Variants in ERBB4 observed in about 807,000 individuals in gnomAD.
ERBB4 encodes the protein receptor tyrosine-protein kinase erbB-4.
In ERBB4, 42 loss-of-function variants were observed where a neutral mutation model predicts 158.0. The observed-to-expected ratio is 0.27, with a 90% confidence interval of 0.21 to 0.34. The LOEUF (loss-of-function observed/expected upper bound fraction) is 0.34, where lower values mean the gene tolerates loss of function less well. Among genes scored for constraint, ERBB4 ranks in the 10% least tolerant of loss-of-function variants. The pLI, the probability that ERBB4 is intolerant of heterozygous loss-of-function variation, is 1.00. For synonymous variants in ERBB4, 583 were observed against 558.7 expected, an observed-to-expected ratio of 1.04 and a Z score of -0.61; for missense variants, 1,333 against 1,624.1, an observed-to-expected ratio of 0.82 and a Z score of 3.08.
chr2:211,420,719 A>G (rs2063496441), intron 24 of ERBB4, 108 bp from the exon 25 acceptor site: 1 of 985,056 alleles, frequency 1.0e-6, no homozygotes, highest in Non-Finnish European at 1.6e-6. Flanking sequence ...TGAAAAATTC[A>G]TACACACATT....
intron 2 of ERBB4, among the ~76,000 whole-genome samples, chr2:212,002,234 T>A (rs2076122759): frequency 6.6e-6 from 1 of 152,130 alleles, no homozygotes; most frequent in Non-Finnish European, 1.5e-5. Flanking sequence ...AGAGACTAGA[T>A]GGAATCAGCT....
At chr2:211,771,576 T>C (rs1176523893) in intron 4 of ERBB4, among the ~76,000 whole-genome samples, 2 of 152,230 alleles carry the variant, frequency 1.3e-5, no homozygotes, top group Non-Finnish European at 2.9e-5. Context: ...TGCAGGTAAG[T>C]ATACAGTTTA....
intron 1 of ERBB4, among the ~76,000 whole-genome samples, chr2:212,362,477 ACTCT>A (rs2106364941): frequency 6.7e-6 from 1 of 150,306 alleles, no homozygotes; most frequent in South Asian, 2.1e-4. Flanking sequence ...AAATTAACGT[ACTCT>A]CTAATTGGTA....
chr2:211,438,724 T>C (rs1229506857), intron 20 of ERBB4, among the ~76,000 whole-genome samples: 3 of 152,098 alleles, frequency 2.0e-5, no homozygotes, highest in Non-Finnish European at 4.4e-5. Flanking sequence ...TGAATGTTCT[T>C]CCTATTATTC....
chr2:211,534,013 G>C (rs1408326488), intron 20 of ERBB4, among the ~76,000 whole-genome samples: 1 of 151,968 alleles, frequency 6.6e-6, no homozygotes, highest in South Asian at 2.1e-4. Flanking sequence ...TTGCTCCAAC[G>C]TAACTAATTA....
intron 1 of ERBB4, among the ~76,000 whole-genome samples, chr2:212,495,414 A>G (rs1037305137): frequency 7.9e-5 from 12 of 152,168 alleles, no homozygotes; most frequent in Non-Finnish European, 1.5e-4. Context: ...GAAAAAAATA[A>G]ATTGCTTTAA....
intron 19 of ERBB4, among the ~76,000 whole-genome samples, chr2:211,576,769 TATG>T (rs1254458494): frequency 4.6e-5 from 7 of 152,152 alleles, no homozygotes; most frequent in African/African-American, 1.2e-4. Context: ...ATAAATTTCC[TATG>T]ATAACTCTTT....
At chr2:212,265,237 C>T (rs936865996) in intron 1 of ERBB4, among the ~76,000 whole-genome samples, 1 of 152,002 alleles carries the variant, frequency 6.6e-6, no homozygotes, top group African/African-American at 2.4e-5. Flanking sequence ...GGTCTCAATG[C>T]CATGGTACGT....
intron 20 of ERBB4, among the ~76,000 whole-genome samples, chr2:211,473,247 T>C (rs1268457484): frequency 1.3e-5 from 2 of 152,072 alleles, no homozygotes; most frequent in Non-Finnish European, 1.5e-5. Context: ...AGCCAAGGAA[T>C]GTTGGCAGCC....
chr2:211,499,731 A>G (rs2065569079), intron 20 of ERBB4, among the ~76,000 whole-genome samples: 1 of 152,058 alleles, frequency 6.6e-6, no homozygotes, highest in Non-Finnish European at 1.5e-5. Flanking sequence ...TTTTAACAAT[A>G]GGGTATTTTG....
chr2:212,075,906 A>G (rs1053730005), intron 2 of ERBB4, among the ~76,000 whole-genome samples: 11 of 151,912 alleles, frequency 7.2e-5, no homozygotes, highest in African/African-American at 2.4e-4. Context: ...TATTTCTTCT[A>G]TTGCTACATT....
chr2:211,617,804 G>T (rs2069447059), intron 19 of ERBB4, among the ~76,000 whole-genome samples: 1 of 151,876 alleles, frequency 6.6e-6, no homozygotes, highest in Non-Finnish European at 1.5e-5. Flanking sequence ...AAATCAGAGT[G>T]CATATGCTTG....
At chr2:212,273,497 A>T (rs2085415107) in intron 1 of ERBB4, among the ~76,000 whole-genome samples, 2 of 151,832 alleles carry the variant, frequency 1.3e-5, no homozygotes, top group Non-Finnish European at 2.9e-5. Flanking sequence ...ACTACAAGCC[A>T]GCCATTCATG....
intron 20 of ERBB4, among the ~76,000 whole-genome samples, chr2:211,455,517 G>C (rs569768871): frequency 6.6e-6 from 1 of 152,226 alleles, no homozygotes; most frequent in African/African-American, 2.4e-5. Flanking sequence ...GGAAAAAAGG[G>C]AAAAGCTTCA....
rs1004049760 is a variant in ERBB4 at position 211,383,415 on chromosome 2, T to C, written c.*200A>G. The C allele has an allele frequency of 5.1e-6, 3 of 587,852 alleles. 1 individual carries two copies. Among genetic ancestry groups the C allele is most frequent in the South Asian group, 4.0e-5 (2 of 49,938 alleles). 36.4% of individuals were successfully genotyped at this position (587,852 alleles called of 1,614,324 possible). A position where few individuals can be genotyped will look rare whatever the true frequency, so the allele number is the denominator to read the frequency against. On this transcript the variant is annotated 3_prime_UTR_variant, in exon 28 of 28. Coordinates refer to ENST00000342788, the MANE Select transcript of ERBB4 (RefSeq NM_005235.3). Reference sequence around the variant, plus strand: ...CAGAGAAATGAAGAAACATTGTGGTTCCTCCTATCTTTCTCTTTCAGTCTT... The same window carrying C: ...CAGAGAAATGAAGAAACATTGTGGTCCCTCCTATCTTTCTCTTTCAGTCTT...
chr2:211,976,349 G>A (rs909036968), intron 2 of ERBB4, among the ~76,000 whole-genome samples: 1 of 152,098 alleles, frequency 6.6e-6, no homozygotes, highest in Non-Finnish European at 1.5e-5. Flanking sequence ...ATGAATTCCC[G>A]ATAGTTTTAA....
chr2:211,876,686 G>A (rs2078512036), intron 3 of ERBB4, among the ~76,000 whole-genome samples: 1 of 152,110 alleles, frequency 6.6e-6, no homozygotes, highest in Non-Finnish European at 1.5e-5. Flanking sequence ...TGAGGGGACA[G>A]GTATTGACTG....
chr2:212,499,465 T>G (rs1040629577), intron 1 of ERBB4, among the ~76,000 whole-genome samples: 2 of 152,098 alleles, frequency 1.3e-5, no homozygotes, highest in African/African-American at 4.8e-5. Flanking sequence ...AGGAATCAGG[T>G]ATAAATCCAC....
At chr2:212,126,086 T>C (rs2079915486) in intron 1 of ERBB4, among the ~76,000 whole-genome samples, 1 of 152,180 alleles carries the variant, frequency 6.6e-6, no homozygotes, top group Non-Finnish European at 1.5e-5. Context: ...GTTTCTGAGG[T>C]ATAATGGACT....
Sources: gnomAD v4.1 joint callset for allele counts (sites outside exome capture counted in the v4.1 genomes callset) on GRCh38, gnomAD v4.1.1 for gene constraint, MANE v1.5 for transcripts, NCBI Gene and HGNC (gene_info 2026-07-23, HGNC 2026-07-21) for gene names.